Variants in GAMT observed in about 807,000 individuals in gnomAD.
GAMT encodes the protein epididymis secretory protein Li 20.
Under a neutral mutation model 26.9 loss-of-function variants are expected in GAMT, and 26 were observed. That is an observed-to-expected ratio of 0.97 (90% CI 0.71 to 1.34). The LOEUF (loss-of-function observed/expected upper bound fraction) is 1.34, where lower values mean the gene tolerates loss of function less well. Among genes scored for constraint, GAMT ranks in the 40% most tolerant of loss-of-function variants. GAMT has a pLI of 0.00. For missense variants in GAMT, 412 were observed against 345.0 expected, an observed-to-expected ratio of 1.19 and a Z score of -1.54; for synonymous variants, 169 against 149.6, an observed-to-expected ratio of 1.13 and a Z score of -0.95.
intron 5 of GAMT, chr19:1,398,094 T>C (rs2082610915): frequency 2.0e-6 from 2 of 989,982 alleles, no homozygotes; most frequent in South Asian, 4.5e-5. Flanking sequence ...TTGATTTCCA[T>C]TTTTTTTGTT....
At chr19:1,400,390 G>C (rs1569007828) in intron 1 of GAMT, among the ~76,000 whole-genome samples, 1 of 152,082 alleles carries the variant, frequency 6.6e-6, no homozygotes, top group Non-Finnish European at 1.5e-5. Flanking sequence ...AGCATGGACA[G>C]AGGCGGGCGG....
Position 1,401,398 on chromosome 19 carries a change from A to G in GAMT, c.79T>C (p.Tyr27His), listed in dbSNP as rs200833152. 6,505 of 1,465,512 alleles carry G rather than the reference A, an allele frequency of 4.4e-3. 22 individuals are homozygous for G. The highest frequency in any genetic ancestry group is 5.3e-3 in the Non-Finnish European group (5,893 of 1,112,586). 90.8% of individuals were successfully genotyped at this position (1,465,512 alleles called of 1,614,324 possible). Residue 27 changes from tyrosine to histidine, a missense_variant, in exon 1 of 6, where the codon TAC becomes CAC. Physicochemically the swap from Tyr to His is moderately conservative, Grantham distance 83. Coordinates refer to ENST00000252288, the MANE Select transcript of GAMT (RefSeq NM_000156.6). ...CGCAGGTGCGTGTCCGCTGCGTCGT[A>G]GGCCGCGGGCGCCGCCCCCCACGCG... ...SPAWGAAPAA[Y>H]DAADTHLRIL...
rs536047178 is a variant in GAMT at position 1,399,206 on chromosome 19, A to G, written c.392-11T>C. 26 of 1,613,062 alleles carry G rather than the reference A, an allele frequency of 1.6e-5. No individual in the cohort carries two copies. In the East Asian group the frequency reaches 5.1e-4, roughly 32 times the overall value. On this transcript the variant is annotated splice_polypyrimidine_tract_variant and intron_variant, in intron 3 of 5. Transcript: ENST00000252288. This position sits in a 1 kb window ranked among gnomAD's most constrained non-coding sequence, Gnocchi z 6.2. ...TGTCGTACAGGATCCCTGCACGGAGAACAGAAGCCCACGCGGTCAGGGCCG... is the reference window on the plus strand; with the variant it reads ...TGTCGTACAGGATCCCTGCACGGAGGACAGAAGCCCACGCGGTCAGGGCCG...
At chr19:1,398,645 T>C (rs1300188913) in intron 5 of GAMT, 1 of 1,108,498 alleles carries the variant, frequency 9.0e-7, no homozygotes, top group African/African-American at 1.6e-5. Flanking sequence ...GGTCTTGCTC[T>C]GTAGCCCAGG....
rs1001547377 is a variant in GAMT, at chr19:1,399,462, A to G, written c.391+62T>C. The G allele has an allele frequency of 2.0e-6, 3 of 1,468,142 alleles. No individual in the cohort carries two copies. The highest frequency in any genetic ancestry group is 1.8e-5 in the Admixed American group (1 of 55,364). The allele number at this position is 1,468,142 out of a possible 1,614,324, so 90.9% of individuals were successfully genotyped here. On this transcript the variant is annotated intron_variant, in intron 3 of 5. Transcript: ENST00000252288. The surrounding 1 kb of genome is among the most constrained non-coding windows in gnomAD (Gnocchi z 6.2). ...GCACATCAGAGGGACCCCCACAAGC[A>G]AAGGAGGGGCTGCATTGGAGCTGGG...
chr19:1,400,737 C>T lies in GAMT; in HGVS notation c.181+559G>A, dbSNP rs574392020. Among the ~76,000 whole-genome samples the T allele has an allele frequency of 5.2e-3, 792 of 152,282 alleles. 6 individuals are homozygous for T. The highest frequency in any genetic ancestry group is 7.1e-3 in the Non-Finnish European group (482 of 68,006). ...TGATTGGCACTGGACACTGGACGTG[C>T]CCATTTTCAGGGTGGGAACACTGAG... On this transcript the variant is annotated intron_variant, in intron 1 of 5. Transcript: ENST00000252288.
Position 1,399,869 on chromosome 19 carries a change from T to A in GAMT, c.251A>T (p.Asp84Val). The change falls in exon 2 of 6, where the codon GAT (aspartate) becomes GTT (valine). Residue 84 changes from aspartate (D) to valine (V), a missense_variant. Transcript: ENST00000252288. The surrounding 1 kb of genome is among the most constrained non-coding windows in gnomAD (Gnocchi z 6.2). The stretch of plus-strand genomic sequence containing the variant: ...ATTGCACTCGATGATCCAATGCTCA[T>A]CAATGGGCGCCTCCTGCACCTTTGA... ...AASKVQEAPI[D>V]EHWIIECNDG... is the part of the protein sequence containing the mutation. 1 of 1,604,830 alleles carries A rather than the reference T, an allele frequency of 6.2e-7. No individual in the cohort carries two copies. The highest frequency in any genetic ancestry group is 1.7e-5 in the Admixed American group (1 of 59,022).
chr19:1,397,163 T>G lies in GAMT; in HGVS notation c.*196A>C, dbSNP rs1050521233. The G allele has an allele frequency of 2.1e-5, 14 of 670,422 alleles. No homozygotes were observed. The highest frequency in any genetic ancestry group is 1.8e-4 in the African/African-American group (10 of 55,458). The allele number at this position is 670,422 out of a possible 1,614,324, so 41.5% of individuals were successfully genotyped here. ...ACCCTGCAGTGGGCAGCAGTGACCC[T>G]CACAGAGAAGCTGGGAAAGCTGCTG... On this transcript the variant is annotated 3_prime_UTR_variant, in exon 6 of 6. Transcript: ENST00000252288.
intron 5 of GAMT, chr19:1,398,080 G>A (rs2082610848): frequency 1.0e-6 from 1 of 996,370 alleles, no homozygotes; most frequent in Non-Finnish European, 1.2e-6. Flanking sequence ...GCTGGTGAGG[G>A]ACTTTGATTT....
Position 1,399,946 on chromosome 19 carries a change from G to C in GAMT, c.182-8C>G. Reference sequence around the variant, plus strand: ...CCTCCAGGACCCGGCCCCCTGGGCAGACACAGGGCGCCTGGCATCACTAGG... The same window carrying C: ...CCTCCAGGACCCGGCCCCCTGGGCACACACAGGGCGCCTGGCATCACTAGG... On this transcript the variant is annotated splice_region_variant and splice_polypyrimidine_tract_variant and intron_variant, in intron 1 of 5. Transcript: ENST00000252288. The surrounding 1 kb of genome is among the most constrained non-coding windows in gnomAD (Gnocchi z 6.2). The C allele has an allele frequency of 6.2e-7, 1 of 1,602,734 alleles. No homozygotes were observed. Among genetic ancestry groups the C allele is most frequent in the South Asian group, 1.1e-5 (1 of 89,372 alleles).
Position 1,399,457 on chromosome 19 carries a change from C to G in GAMT, c.391+67G>C, listed in dbSNP as rs758959989. 53 of 1,447,394 alleles carry G rather than the reference C, an allele frequency of 3.7e-5. No individual in the cohort carries two copies. The highest frequency in any genetic ancestry group is 4.8e-5 in the Non-Finnish European group (50 of 1,048,552). 89.7% of individuals were successfully genotyped at this position (1,447,394 alleles called of 1,614,324 possible). A position where few individuals can be genotyped will look rare whatever the true frequency, so the allele number is the denominator to read the frequency against. On this transcript the variant is annotated intron_variant, in intron 3 of 5. Coordinates refer to ENST00000252288, the MANE Select transcript of GAMT (RefSeq NM_000156.6). This position sits in a 1 kb window ranked among gnomAD's most constrained non-coding sequence, Gnocchi z 6.2. The stretch of plus-strand genomic sequence containing the variant: ...CCAGTGCACATCAGAGGGACCCCCA[C>G]AAGCAAAGGAGGGGCTGCATTGGAG...
Position 1,399,092 on chromosome 19 carries a change from G to C in GAMT, c.459+36C>G, listed in dbSNP as rs2082617977. On this transcript the variant is annotated intron_variant, in intron 4 of 5. Coordinates refer to ENST00000252288, the MANE Select transcript of GAMT (RefSeq NM_000156.6). The surrounding 1 kb of genome is among the most constrained non-coding windows in gnomAD (Gnocchi z 6.2). ...GGTGTGGGCAGAGGGGCTTCCCCGAGGGCCTCCCGCATCCCAGCAAGTCAG... is the reference window on the plus strand; with the variant it reads ...GGTGTGGGCAGAGGGGCTTCCCCGACGGCCTCCCGCATCCCAGCAAGTCAG... 6.2e-7 allele frequency: 1 copy of C among 1,613,246 alleles called. No homozygotes were observed. Among genetic ancestry groups the C allele is most frequent in the Non-Finnish European group, 8.5e-7 (1 of 1,179,926 alleles).
At chr19:1,400,514 G>A (rs1289730461) in intron 1 of GAMT, among the ~76,000 whole-genome samples, 3 of 152,170 alleles carry the variant, frequency 2.0e-5, no homozygotes, top group Non-Finnish European at 4.4e-5. Flanking sequence ...GTGGGGAGGC[G>A]AGAGCCTTGG....
intron 1 of GAMT, among the ~76,000 whole-genome samples, chr19:1,400,921 T>C (rs2082630100): frequency 1.3e-5 from 2 of 152,232 alleles, no homozygotes; most frequent in African/African-American, 4.8e-5. Flanking sequence ...GGGGCTGCTC[T>C]CCCAGGCAGG....
rs931439465 is a variant in GAMT, at chr19:1,399,323, A to G, written c.392-128T>C. The G allele has an allele frequency of 8.5e-7, 1 of 1,171,604 alleles. No homozygotes were observed. Among genetic ancestry groups the G allele is most frequent in the African/African-American group, 1.5e-5 (1 of 66,054 alleles). The allele number at this position is 1,171,604 out of a possible 1,614,324, so 72.6% of individuals were successfully genotyped here. A position where few individuals can be genotyped will look rare whatever the true frequency, so the allele number is the denominator to read the frequency against. ...CCGTGGGTAGAGGTGGGGCTCCCAC[A>G]CAGGCTTGAGAACCCCGAGATCGCC... On this transcript the variant is annotated intron_variant, in intron 3 of 5. Transcript: ENST00000252288. This position sits in a 1 kb window ranked among gnomAD's most constrained non-coding sequence, Gnocchi z 6.2.
At position 1,399,096 on chromosome 19, in the gene GAMT, C is replaced by G. The variant is rs1438763616; in HGVS notation, c.459+32G>C. On this transcript the variant is annotated intron_variant, in intron 4 of 5. Transcript: ENST00000252288. This position sits in a 1 kb window ranked among gnomAD's most constrained non-coding sequence, Gnocchi z 6.2. ...TGGGCAGAGGGGCTTCCCCGAGGGC[C>G]TCCCGCATCCCAGCAAGTCAGAGAG... 1 of 1,613,380 alleles carries G rather than the reference C, an allele frequency of 6.2e-7. No individual in the cohort carries two copies. Among genetic ancestry groups the G allele is most frequent in the Admixed American group, 1.7e-5 (1 of 60,014 alleles).
At position 1,397,321 on chromosome 19, in the gene GAMT, G is replaced by A. The variant is rs757325923; in HGVS notation, c.*38C>T. The A allele has an allele frequency of 1.1e-5, 18 of 1,588,972 alleles. No individual in the cohort carries two copies. The highest frequency in any genetic ancestry group is 4.0e-5 in the African/African-American group (3 of 74,576). ...CCTGGACTCCCGGCCAGGAAGGCAC[G>A]GAGGAGGGCATGGGTGTGGCCGGGC... On this transcript the variant is annotated 3_prime_UTR_variant, in exon 6 of 6. Transcript: ENST00000252288.
rs1483021575 is a variant in GAMT at position 1,399,354 on chromosome 19, G to A, written c.392-159C>T. On this transcript the variant is annotated intron_variant, in intron 3 of 5. Transcript: ENST00000252288. The surrounding 1 kb of genome is among the most constrained non-coding windows in gnomAD (Gnocchi z 6.2). ...TTGAGAACCCCGAGATCGCCTCCAG[G>A]GCCCCTCCGTGAGCATGCCCATCCC... is the stretch of plus-strand genomic sequence containing the variant. 6.6e-6 allele frequency among the ~76,000 whole-genome samples: 1 copy of A among 152,156 alleles called. No individual in the cohort carries two copies. Among genetic ancestry groups the A allele is most frequent in the Non-Finnish European group, 1.5e-5 (1 of 68,020 alleles).
chr19:1,400,194 A>G (rs1600159662), intron 1 of GAMT, among the ~76,000 whole-genome samples: 1 of 49,186 alleles, frequency 2.0e-5, no homozygotes, highest in Non-Finnish European at 3.7e-5. Context: ...TGCCAGGAGG[A>G]GGGGATGCAG....
Sources: allele counts gnomAD v4.1 joint callset (sites outside exome capture counted in the v4.1 genomes callset), GRCh38; gene constraint gnomAD v4.1.1; non-coding constraint Gnocchi (gnomAD v3.1); transcripts MANE v1.5; gene names NCBI Gene and HGNC (gene_info 2026-07-23, HGNC 2026-07-21).